The following CAV1 variants were observed in gnomAD, a reference collection of about 807,000 sequenced individuals.
CAV1 encodes the protein caveolin 1.
CAV1 carries 10 observed loss-of-function variants against 16.5 expected under a neutral mutation model. The observed-to-expected ratio is 0.61, with a 90% CI of 0.37 to 1.03. The LOEUF is 1.03. CAV1 is among the 50% of genes least tolerant of loss of function. The probability of loss-of-function intolerance (pLI) is 0.01; values close to 1 mark genes in which losing one functional copy is unlikely to be tolerated. For synonymous variants in CAV1, 76 were observed against 85.1 expected (o/e 0.89, Z 0.59); for missense variants, 212 against 232.8 (o/e 0.91, Z 0.58).
intron 2 of CAV1, among the ~76,000 whole-genome samples, chr7:116,550,155 G>T (rs748754216): frequency 1.4e-4 from 22 of 152,088 alleles, no homozygotes; most frequent in Admixed American, 5.2e-4. Context: ...TGGATGCTCA[G>T]GTCAGTGACT....
Position 116,557,730 on chromosome 7 carries a change from A to T in CAV1, c.196-1216A>T, listed in dbSNP as rs572673176. ...AACCTTCTTTTCTTTTCTTTTTTTTATGACCACCTTTCCAGTCCTGGCCCT... is the reference window on the plus strand; with the variant it reads ...AACCTTCTTTTCTTTTCTTTTTTTTTTGACCACCTTTCCAGTCCTGGCCCT... On this transcript the variant is annotated intron_variant, in intron 2 of 2. Coordinates refer to ENST00000341049, the MANE Select transcript of CAV1 (RefSeq NM_001753.5). 2.0e-5 allele frequency among the ~76,000 whole-genome samples: 3 copies of T among 151,500 alleles called. No homozygotes were observed. The South Asian group carries it at 6.3e-4, about 32-fold the overall frequency.
At chr7:116,526,919 T>G in intron 2 of CAV1, 1 of 567,668 alleles carries the variant, frequency 1.8e-6, no homozygotes, top group Admixed American at 2.9e-5. Context: ...TCAGCTGAAA[T>G]TCAGCTAAAG....
chr7:116,534,721 T>C (rs973423955), intron 2 of CAV1, among the ~76,000 whole-genome samples: 2 of 151,872 alleles, frequency 1.3e-5, no homozygotes, highest in African/African-American at 4.8e-5. Flanking sequence ...AATTAGAATA[T>C]CTAGAGGTGG....
intron 2 of CAV1, among the ~76,000 whole-genome samples, chr7:116,534,391 ATATATTT>A (rs1468722149): frequency 3.6e-4 from 3 of 8,220 alleles, no homozygotes; most frequent in African/African-American, 7.0e-4. Context: ...ATATATATAT[ATATATTT>A]TTTTTTTTTT....
chr7:116,541,944 TCA>T (rs1793949693), intron 2 of CAV1, among the ~76,000 whole-genome samples: 1 of 152,158 alleles, frequency 6.6e-6, no homozygotes, highest in Non-Finnish European at 1.5e-5. Flanking sequence ...ATAACAGCCT[TCA>T]CACACAGCCT....
At chr7:116,528,458 A>G (rs902314314) in intron 2 of CAV1, among the ~76,000 whole-genome samples, 2 of 152,118 alleles carry the variant, frequency 1.3e-5, no homozygotes, top group Non-Finnish European at 2.9e-5. Flanking sequence ...TAGCCTAAAG[A>G]AACCAAACCC....
At chr7:116,555,363 C>T (rs1395559474) in intron 2 of CAV1, among the ~76,000 whole-genome samples, 1 of 150,400 alleles carries the variant, frequency 6.6e-6, no homozygotes, top group Non-Finnish European at 1.5e-5. Context: ...TGCTTGAGCC[C>T]AGGAGGTCAA....
At chr7:116,526,501 C>T in intron 1 of CAV1, 24 bp from the exon 2 acceptor site, 1 of 1,613,548 alleles carries the variant, frequency 6.2e-7, no homozygotes, top group East Asian at 2.2e-5. Flanking sequence ...CCCGTCCTGG[C>T]CGTCCGCCCT....
Position 116,559,136 on chromosome 7 carries a change from C to T in CAV1, c.386C>T (p.Ala129Val), listed in dbSNP as rs200865381. ...FAILSFLHIWAVVPCIKSFLI... is the reference protein window; with the variant it reads ...FAILSFLHIWVVVPCIKSFLI... ...ATTCTCTCTTTCCTGCACATCTGGG[C>T]AGTTGTACCATGCATTAAGAGCTTC... Residue 129 changes from alanine to valine, a missense_variant, in exon 3 of 3, where the codon GCA (alanine) becomes GTA (valine). By Grantham distance (64) the Ala-to-Val change is moderately conservative. Coordinates refer to ENST00000341049, the MANE Select transcript of CAV1 (RefSeq NM_001753.5). 42 of 1,613,856 alleles carry T rather than the reference C, an allele frequency of 2.6e-5. No individual in the cohort carries two copies. Among genetic ancestry groups the T allele is most frequent in the African/African-American group, 4.0e-5 (3 of 74,914 alleles).
Position 116,559,041 on chromosome 7 carries a change from C to T in CAV1, c.291C>T (p.Tyr97=), listed in dbSNP as rs1794349041. 1 of 1,613,790 alleles carries T rather than the reference C, an allele frequency of 6.2e-7. No homozygotes were observed. Among genetic ancestry groups the T allele is most frequent in the Admixed American group, 1.7e-5 (1 of 59,940 alleles). The change falls in exon 3 of 3, where the codon TAC becomes TAT. Residue 97 remains tyrosine, a synonymous_variant. Transcript: ENST00000341049. ...ASFTTFTVTK[Y]WFYRLLSALF... is the part of the protein sequence containing the mutation. ...TCACCACCTTCACTGTGACGAAATA[C>T]TGGTTTTACCGCTTGCTGTCTGCCC...
At chr7:116,553,347 T>G (rs1230602875) in intron 2 of CAV1, among the ~76,000 whole-genome samples, 1 of 152,024 alleles carries the variant, frequency 6.6e-6, no homozygotes, top group Non-Finnish European at 1.5e-5. Context: ...TTAACTCATG[T>G]TTCTGAAATT....
intron 2 of CAV1, among the ~76,000 whole-genome samples, chr7:116,530,086 C>G (rs1040675566): frequency 1.2e-4 from 18 of 152,060 alleles, no homozygotes; most frequent in African/African-American, 4.1e-4. Context: ...TAAATCCTAG[C>G]AATCACAAAG....
intron 2 of CAV1, among the ~76,000 whole-genome samples, chr7:116,538,565 A>G (rs1449759100): frequency 6.6e-6 from 1 of 152,242 alleles, no homozygotes; most frequent in Non-Finnish European, 1.5e-5. Context: ...TTTAGTAGGA[A>G]GAGAAATTGT....
chr7:116,542,771 C>G (rs548952692), intron 2 of CAV1: 35 of 152,346 alleles, frequency 2.3e-4, no homozygotes, highest in African/African-American at 8.4e-4. Flanking sequence ...CAAGAGGAAG[C>G]TTAGCCAGTT....
intron 1 of CAV1, chr7:116,525,795 G>A (rs1793544499): frequency 3.8e-6 from 4 of 1,043,186 alleles, no homozygotes; most frequent in Non-Finnish European, 1.2e-6. Flanking sequence ...TGGGTCGGGG[G>A]AGCTGCGCAG....
intron 1 of CAV1, chr7:116,526,271 G>A (rs1055619627): frequency 7.9e-7 from 1 of 1,259,468 alleles, no homozygotes; most frequent in Non-Finnish European, 1.0e-6. Flanking sequence ...GGCGGCGGGC[G>A]GGGGAGGCAG....
chr7:116,545,469 C>A (rs1026459430), intron 2 of CAV1, among the ~76,000 whole-genome samples: 2 of 152,212 alleles, frequency 1.3e-5, no homozygotes, highest in African/African-American at 4.8e-5. Flanking sequence ...TAGTGTGTAT[C>A]TTTTTCCTCA....
chr7:116,535,930 C>A (rs1793803723), intron 2 of CAV1, among the ~76,000 whole-genome samples: 1 of 152,000 alleles, frequency 6.6e-6, no homozygotes. Context: ...ACATATGTGC[C>A]TAATATTCTA....
chr7:116,546,702 A>AAAAAAAAAAATAAAAAT (rs1554356429), intron 2 of CAV1, among the ~76,000 whole-genome samples: 11 of 142,952 alleles, frequency 7.7e-5, no homozygotes, highest in South Asian at 4.4e-4. Flanking sequence ...TGTCACAAAA[A>AAAAAAAAAAATAAAAAT]AAAAAAAAAA....
Sources: allele counts gnomAD v4.1 joint callset (sites outside exome capture counted in the v4.1 genomes callset), GRCh38; gene constraint gnomAD v4.1.1; transcripts MANE v1.5; gene names NCBI Gene and HGNC (gene_info 2026-07-23, HGNC 2026-07-21).